SYT9: variants seen among roughly 807,000 people sequenced by gnomAD.
SYT9 encodes the protein synaptotagmin-9.
SYT9 carries 22 observed loss-of-function variants against 48.4 expected under a neutral mutation model. The observed-to-expected ratio is 0.45, with a 90% CI of 0.32 to 0.65. The LOEUF (loss-of-function observed/expected upper bound fraction) is 0.65, where lower values mean the gene tolerates loss of function less well. Among genes scored for constraint, SYT9 ranks in the 30% least tolerant of loss-of-function variants. The pLI is 0.03. For synonymous variants in SYT9, 265 were observed against 245.0 expected, an observed-to-expected ratio of 1.08 and a Z score of -0.76; for missense variants, 577 against 622.0, an observed-to-expected ratio of 0.93 and a Z score of 0.77.
At chr11:7,306,735 T>C (rs1393739085) in intron 2 of SYT9, among the ~76,000 whole-genome samples, 1 of 152,176 alleles carries the variant, frequency 6.6e-6, no homozygotes, top group Non-Finnish European at 1.5e-5. Context: ...CTGAAGTCTG[T>C]GTTCTGTCCC....
chr11:7,391,836 A>G (rs1846624533), intron 3 of SYT9, among the ~76,000 whole-genome samples: 1 of 146,308 alleles, frequency 6.8e-6, no homozygotes, highest in African/African-American at 2.5e-5. Flanking sequence ...GGATCACTTG[A>G]GCCCAGGAGG....
upstream of SYT9, among the ~76,000 whole-genome samples, chr11:7,247,055 C>T (rs1057317633): frequency 6.6e-6 from 1 of 152,164 alleles, no homozygotes; most frequent in African/African-American, 2.4e-5. Context: ...TCACTGTGTC[C>T]TCACATGGCA....
chr11:7,412,819 T>C (rs1847162977), intron 3 of SYT9, among the ~76,000 whole-genome samples: 1 of 152,192 alleles, frequency 6.6e-6, no homozygotes, highest in African/African-American at 2.4e-5. Flanking sequence ...TGGGCCAGTC[T>C]CATGGTGCTT....
Position 7,252,053 on chromosome 11 carries a change from C to G in SYT9, c.-134C>G. ...GCCGGCTGGGTCTGGGGCTCGGGCT[C>G]AGGCTCGCACCGTTTCTCGGCAGGT... On this transcript the variant is annotated 5_prime_UTR_variant, in exon 1 of 7. The change creates a premature stop within an existing upstream ORF in the 5' untranslated region. Transcript: ENST00000318881. The surrounding 1 kb of genome is among the most constrained non-coding windows in gnomAD (Gnocchi z 6.3). 3 of 1,086,850 alleles carry G rather than the reference C, an allele frequency of 2.8e-6. No individual in the cohort carries two copies. Among genetic ancestry groups the G allele is most frequent in the Non-Finnish European group, 2.4e-6 (2 of 833,490 alleles). The allele number at this position is 1,086,850 out of a possible 1,614,324, so 67.3% of individuals were successfully genotyped here.
intron 6 of SYT9, among the ~76,000 whole-genome samples, chr11:7,428,981 C>T (rs1327011914): frequency 6.6e-6 from 1 of 152,076 alleles, no homozygotes; most frequent in Non-Finnish European, 1.5e-5. Flanking sequence ...AATAGTACAG[C>T]CAAATTAATG....
At chr11:7,367,107 A>C (rs1397598769) in intron 3 of SYT9, among the ~76,000 whole-genome samples, 2 of 74,888 alleles carry the variant, frequency 2.7e-5, no homozygotes, top group African/African-American at 1.1e-4. Context: ...TTCGAGACGG[A>C]GCCTCGCTCT....
At chr11:7,398,417 T>C (rs971447648) in intron 3 of SYT9, among the ~76,000 whole-genome samples, 13 of 150,846 alleles carry the variant, frequency 8.6e-5, no homozygotes, top group East Asian at 1.9e-4. Flanking sequence ...CTTTTCTTTT[T>C]TTTTTTTTTT....
intron 3 of SYT9, among the ~76,000 whole-genome samples, chr11:7,319,391 T>C (rs1849301162): frequency 1.5e-5 from 1 of 65,866 alleles, no homozygotes; most frequent in Non-Finnish European, 3.6e-5. Context: ...GATTTTGCCA[T>C]TATAAAACTA....
chr11:7,313,370 T>C lies in SYT9; in HGVS notation c.498-25T>C. The C allele has an allele frequency of 1.3e-6, 2 of 1,576,320 alleles. 1 individual carries two copies. The highest frequency in any genetic ancestry group is 2.7e-5 in the African/African-American group (2 of 73,462). The stretch of plus-strand genomic sequence containing the variant: ...CCCATAGCTAATAAGGTTATAACTT[T>C]GTTCTGTGTTGCTCTTCATTCAAGG... On this transcript the variant is annotated intron_variant, in intron 2 of 6. Coordinates refer to ENST00000318881, the MANE Select transcript of SYT9 (RefSeq NM_175733.4).
chr11:7,443,939 T>C (rs1412168309), intron 6 of SYT9, among the ~76,000 whole-genome samples: 1 of 152,226 alleles, frequency 6.6e-6, no homozygotes, highest in Non-Finnish European at 1.5e-5. Flanking sequence ...GAAGCAGCCA[T>C]TCCAGTTTAC....
intron 1 of SYT9, among the ~76,000 whole-genome samples, chr11:7,297,081 TGTGTGAGAGA>T (rs772376617): frequency 8.5e-6 from 1 of 117,710 alleles, no homozygotes; most frequent in South Asian, 2.9e-4. Flanking sequence ...TGTGTGTGTG[TGTGTGAGAGA>T]GAGAGAGAGA....
At chr11:7,368,940 C>T (rs184342978) in intron 3 of SYT9, among the ~76,000 whole-genome samples, 9 of 152,272 alleles carry the variant, frequency 5.9e-5, no homozygotes, top group Admixed American at 5.2e-4. Context: ...CTGCAACAAA[C>T]ATATGTGTGC....
chr11:7,466,687 C>T, intron 6 of SYT9, 105 bp from the exon 7 acceptor site: 7 of 1,271,970 alleles, frequency 5.5e-6, no homozygotes, highest in South Asian at 2.7e-5. Context: ...CGCCACTGCA[C>T]TCCAGCCTGG....
chr11:7,246,338 A>T (rs754388066), intron 1 of SYT9, among the ~76,000 whole-genome samples: 1 of 152,200 alleles, frequency 6.6e-6, no homozygotes, highest in Non-Finnish European at 1.5e-5. Flanking sequence ...AGCAAGGATC[A>T]TTGTTTATTT....
intron 3 of SYT9, among the ~76,000 whole-genome samples, chr11:7,393,829 G>C (rs539898138): frequency 6.6e-6 from 1 of 151,576 alleles, no homozygotes; most frequent in Non-Finnish European, 1.5e-5. Context: ...GGGAGGTTGT[G>C]TGTTTCCAGG....
rs1285764393 is a variant in SYT9 at position 7,370,908 on chromosome 11, T to G, written c.1045-45134T>G. Among the ~76,000 whole-genome samples, 3 of 152,206 alleles carry G rather than the reference T, an allele frequency of 2.0e-5. No individual in the cohort carries two copies. In the South Asian group the frequency reaches 6.2e-4, roughly 31 times the overall value. On this transcript the variant is annotated intron_variant, in intron 3 of 6. Coordinates refer to ENST00000318881, the MANE Select transcript of SYT9 (RefSeq NM_175733.4). Reference sequence around the variant, plus strand: ...TATGTGATTGGGGTTTGAATAGAATTTTTAGTTGTTAGAGAATAGAAATCC... The same window carrying G: ...TATGTGATTGGGGTTTGAATAGAATGTTTAGTTGTTAGAGAATAGAAATCC...
chr11:7,386,416 T>C (rs1850658477), intron 3 of SYT9, among the ~76,000 whole-genome samples: 1 of 148,692 alleles, frequency 6.7e-6, no homozygotes, highest in South Asian at 2.2e-4. Flanking sequence ...AGGGCTAATA[T>C]CCAGAATCTA....
chr11:7,377,483 CCT>C (rs763900210), intron 3 of SYT9, among the ~76,000 whole-genome samples: 4 of 152,096 alleles, frequency 2.6e-5, no homozygotes, highest in Non-Finnish European at 5.9e-5. Flanking sequence ...AAAGGCAGAT[CCT>C]CTTTTACTAA....
intron 6 of SYT9, among the ~76,000 whole-genome samples, chr11:7,434,190 G>C (rs1223289943): frequency 2.0e-5 from 3 of 152,182 alleles, no homozygotes; most frequent in Admixed American, 2.0e-4. Flanking sequence ...TCTGTGCTTA[G>C]GTGCTTTAGA....
Sources: allele counts gnomAD v4.1 joint callset (sites outside exome capture counted in the v4.1 genomes callset), GRCh38; gene constraint gnomAD v4.1.1; non-coding constraint Gnocchi (gnomAD v3.1); transcripts MANE v1.5; gene names NCBI Gene and HGNC (gene_info 2026-07-23, HGNC 2026-07-21).